The following ADAMTSL1 variants were observed in gnomAD, a reference collection of about 807,000 sequenced individuals.
The protein encoded by ADAMTSL1 is ADAMTS like 1.
In ADAMTSL1, 126 loss-of-function variants were observed where a neutral mutation model predicts 201.8. That is an observed-to-expected ratio of 0.62 (90% CI 0.54 to 0.72). The LOEUF (loss-of-function observed/expected upper bound fraction) is 0.72, where lower values mean the gene tolerates loss of function less well. ADAMTSL1 is among the 30% of genes least tolerant of loss of function. The probability of loss-of-function intolerance (pLI) is 0.00; values close to 1 mark genes in which losing one functional copy is unlikely to be tolerated. For missense variants in ADAMTSL1, 2,679 were observed against 2,277.8 expected, an observed-to-expected ratio of 1.18 and a Z score of -3.59; for synonymous variants, 1,121 against 903.4, an observed-to-expected ratio of 1.24 and a Z score of -4.32.
chr9:17,932,892 T>G (rs544765685), intron 1 of ADAMTSL1, among the ~76,000 whole-genome samples: 25 of 152,236 alleles, frequency 1.6e-4, no homozygotes, highest in African/African-American at 5.8e-4. Context: ...ATATGATTAT[T>G]TCTTCATATT....
intron 2 of ADAMTSL1, among the ~76,000 whole-genome samples, chr9:18,179,852 C>A (rs1444738722): frequency 6.6e-6 from 1 of 151,896 alleles, no homozygotes; most frequent in Non-Finnish European, 1.5e-5. Flanking sequence ...ACCAGGCCTG[C>A]CCTAAAAGAG....
At chr9:17,924,336 T>C (rs1237758139) in intron 1 of ADAMTSL1, among the ~76,000 whole-genome samples, 8 of 152,164 alleles carry the variant, frequency 5.3e-5, no homozygotes, top group African/African-American at 1.7e-4. Flanking sequence ...ATTCAACTTC[T>C]TCCTGGTTTA....
At chr9:18,575,115 A>C (rs920577528) in intron 4 of ADAMTSL1, among the ~76,000 whole-genome samples, 25 of 152,312 alleles carry the variant, frequency 1.6e-4, no homozygotes, top group Middle Eastern at 3.4e-3. Context: ...AGAATGTATA[A>C]TATCACGGCT....
chr9:18,815,189 C>A (rs1207565355), intron 20 of ADAMTSL1, among the ~76,000 whole-genome samples: 2 of 152,020 alleles, frequency 1.3e-5, no homozygotes, highest in Non-Finnish European at 2.9e-5. Context: ...CCATATGATC[C>A]AGCAATCCTA....
chr9:18,266,414 C>G (rs1832119636), intron 2 of ADAMTSL1, among the ~76,000 whole-genome samples: 1 of 152,172 alleles, frequency 6.6e-6, no homozygotes, highest in Non-Finnish European at 1.5e-5. Context: ...ATGAGCCTCA[C>G]AAACCAAACT....
chr9:18,835,320 T>G (rs1008944860), intron 23 of ADAMTSL1, among the ~76,000 whole-genome samples: 3 of 152,148 alleles, frequency 2.0e-5, no homozygotes, highest in Non-Finnish European at 4.4e-5. Context: ...CATTGAGTTG[T>G]TTACTTATAT....
chr9:18,794,038 A>G (rs1822214345), intron 19 of ADAMTSL1, among the ~76,000 whole-genome samples: 1 of 152,012 alleles, frequency 6.6e-6, no homozygotes, highest in African/African-American at 2.4e-5. Context: ...AAAAAAAAAA[A>G]AGTCTGAAGT....
At chr9:18,467,215 A>G (rs1303718523) in intron 2 of ADAMTSL1, among the ~76,000 whole-genome samples, 1 of 152,208 alleles carries the variant, frequency 6.6e-6, no homozygotes, top group East Asian at 1.9e-4. Context: ...AAAAGTACCT[A>G]TAGATATATG....
At chr9:18,484,828 CTT>C (rs1359195136) in intron 1 of ADAMTSL1, among the ~76,000 whole-genome samples, 2 of 152,088 alleles carry the variant, frequency 1.3e-5, no homozygotes, top group Non-Finnish European at 2.9e-5. Flanking sequence ...GATTCTCAGA[CTT>C]TTGGATTTCA....
chr9:18,771,705 CTTTTTTTTTTTTTTTT>C (rs374268861), intron 17 of ADAMTSL1, among the ~76,000 whole-genome samples: 4 of 91,732 alleles, frequency 4.4e-5, no homozygotes, highest in Admixed American at 1.5e-4. Flanking sequence ...ACCCCAGTGC[CTTTTTTTTTTTTTTTT>C]TTTTTTTTTT....
intron 2 of ADAMTSL1, among the ~76,000 whole-genome samples, chr9:18,455,472 G>A (rs1820565170): frequency 6.6e-6 from 1 of 151,664 alleles, no homozygotes; most frequent in Non-Finnish European, 1.5e-5. Context: ...ATTCATAAAT[G>A]CATTTTGCAC....
chr9:18,215,875 C>G (rs1830039019), intron 2 of ADAMTSL1, among the ~76,000 whole-genome samples: 2 of 152,168 alleles, frequency 1.3e-5, no homozygotes, highest in Non-Finnish European at 2.9e-5. Flanking sequence ...AGAGACACCA[C>G]ATGTCACTTT....
chr9:18,384,580 C>G (rs1454566770), intron 2 of ADAMTSL1, among the ~76,000 whole-genome samples: 1 of 152,136 alleles, frequency 6.6e-6, no homozygotes, highest in Admixed American at 6.6e-5. Context: ...TCATAGGCAT[C>G]AGGAATGGGG....
chr9:18,680,166 G>A, intron 10 of ADAMTSL1, 146 bp from the exon 11 acceptor site: 2 of 726,098 alleles, frequency 2.8e-6, no homozygotes, highest in Non-Finnish European at 4.5e-6. Flanking sequence ...TCAGGTTTCA[G>A]GCAATAGATG....
chr9:18,205,144 A>G (rs1280636959), intron 2 of ADAMTSL1, among the ~76,000 whole-genome samples: 1 of 152,120 alleles, frequency 6.6e-6, no homozygotes, highest in Non-Finnish European at 1.5e-5. Context: ...CTATTTTATT[A>G]ATGAGATCTG....
intron 2 of ADAMTSL1, among the ~76,000 whole-genome samples, chr9:18,374,459 A>G (rs562489425): frequency 3.4e-4 from 52 of 151,820 alleles, no homozygotes; most frequent in African/African-American, 1.1e-3. Context: ...TCAGCCTCCA[A>G]GTAGCTGGGA....
Position 18,258,794 on chromosome 9 carries a change from C to T in ADAMTSL1, c.207+94813C>T, listed in dbSNP as rs1831798655. On this transcript the variant is annotated intron_variant, in intron 2 of 29. Transcript: ENST00000680146. ...CACCAGGTTGTCTCTCATCTTTCTC[C>T]TTGTCATAACCACGCATCTTCACTT... 3.9e-5 allele frequency among the ~76,000 whole-genome samples: 6 copies of T among 152,312 alleles called. No homozygotes were observed. The South Asian group carries it at 1.2e-3, about 32-fold the overall frequency.
intron 23 of ADAMTSL1, among the ~76,000 whole-genome samples, chr9:18,830,954 T>G (rs1824939216): frequency 6.6e-6 from 1 of 152,222 alleles, no homozygotes; most frequent in Non-Finnish European, 1.5e-5. Flanking sequence ...GTTTAAAGCT[T>G]CTGTATTCTT....
At chr9:18,375,017 G>A (rs935818181) in intron 2 of ADAMTSL1, among the ~76,000 whole-genome samples, 31 of 152,184 alleles carry the variant, frequency 2.0e-4, no homozygotes, top group African/African-American at 7.5e-4. Flanking sequence ...GGGTACCTTC[G>A]GTAGCTTTCA....
Sources: gnomAD v4.1 joint callset for allele counts (sites outside exome capture counted in the v4.1 genomes callset) on GRCh38, gnomAD v4.1.1 for gene constraint, MANE v1.5 for transcripts, NCBI Gene and HGNC (gene_info 2026-07-23, HGNC 2026-07-21) for gene names.